MARK4: variants seen among roughly 807,000 people sequenced by gnomAD.
The protein encoded by MARK4 is microtubule affinity regulating kinase 4.
In MARK4, 19 loss-of-function variants were observed where a neutral mutation model predicts 81.5. The observed-to-expected ratio is 0.23, with a 90% CI of 0.16 to 0.34. The LOEUF is 0.34. Ranked by LOEUF, MARK4 falls within the 10% of genes least tolerant of loss-of-function variation. The probability of loss-of-function intolerance (pLI) is 1.00; values close to 1 mark genes in which losing one functional copy is unlikely to be tolerated. For missense variants in MARK4, 772 were observed against 1,058.8 expected (o/e 0.73, Z 3.76); for synonymous variants, 436 against 439.0 (o/e 0.99, Z 0.08).
At chr19:45,253,355 G>A (rs971693747) in intron 1 of MARK4, among the ~76,000 whole-genome samples, 1 of 152,168 alleles carries the variant, frequency 6.6e-6, no homozygotes, top group Admixed American at 6.5e-5. Flanking sequence ...TCTACAGTGA[G>A]GTGCCAGGGG....
At chr19:45,264,310 T>C (rs2123039608) in intron 4 of MARK4, among the ~76,000 whole-genome samples, 1 of 152,076 alleles carries the variant, frequency 6.6e-6, no homozygotes, top group East Asian at 1.9e-4. Flanking sequence ...GAGATCAGCA[T>C]GACCAACATG....
chr19:45,267,727 C>T (rs1251941709), intron 7 of MARK4, among the ~76,000 whole-genome samples: 2 of 152,192 alleles, frequency 1.3e-5, no homozygotes, highest in African/African-American at 2.4e-5. Context: ...ATGTTTCCAT[C>T]ACAGCTCACT....
At chr19:45,300,910 G>A (rs1289024335) in intron 16 of MARK4, among the ~76,000 whole-genome samples, 1 of 152,028 alleles carries the variant, frequency 6.6e-6, no homozygotes, top group Non-Finnish European at 1.5e-5. Context: ...GAGCTGAGTC[G>A]TGCTCACCCA....
chr19:45,294,942 C>T (rs931969440), intron 14 of MARK4, among the ~76,000 whole-genome samples: 10 of 152,230 alleles, frequency 6.6e-5, no homozygotes, highest in African/African-American at 2.4e-4. Context: ...CACTGCCCCC[C>T]ACCAGGGCTG....
At position 45,264,919 on chromosome 19, in the gene MARK4, A is replaced by G. The variant is rs760927301; in HGVS notation, c.492+9A>G. The G allele has an allele frequency of 6.2e-6, 10 of 1,613,918 alleles. No individual in the cohort carries two copies. The highest frequency in any genetic ancestry group is 1.1e-5 in the South Asian group (1 of 91,060). On this transcript the variant is annotated intron_variant, in intron 6 of 16. Transcript: ENST00000262891. Reference sequence around the variant, plus strand: ...GAGCCAAGTTCCGACAGGTTGGGGCAGGGCTGAGGGTGGGGCTGACTGGGT... The same window carrying G: ...GAGCCAAGTTCCGACAGGTTGGGGCGGGGCTGAGGGTGGGGCTGACTGGGT...
At chr19:45,265,877 G>A (rs561204377) in intron 6 of MARK4, among the ~76,000 whole-genome samples, 7 of 152,060 alleles carry the variant, frequency 4.6e-5, no homozygotes, top group South Asian at 4.1e-4. Context: ...CTGCCTTGAC[G>A]CTGCTGTCCT....
chr19:45,287,415 A>T, intron 12 of MARK4, 32 bp from the exon 13 acceptor site: 1 of 1,363,200 alleles, frequency 7.3e-7, no homozygotes, highest in Non-Finnish European at 9.6e-7. Context: ...TTCCGTGGTG[A>T]TGCCAGCTCT....
intron 8 of MARK4, among the ~76,000 whole-genome samples, chr19:45,276,712 G>A (rs1378346537): frequency 2.8e-5 from 4 of 142,402 alleles, no homozygotes; most frequent in South Asian, 2.3e-4. Context: ...TGCAACCTCC[G>A]CCTCCTGGGT....
At chr19:45,257,148 A>G (rs1970317300) in intron 1 of MARK4, among the ~76,000 whole-genome samples, 2 of 150,726 alleles carry the variant, frequency 1.3e-5, no homozygotes, top group Non-Finnish European at 3.0e-5. Flanking sequence ...TTTTCTAGAG[A>G]TGGGTGTCTC....
intron 10 of MARK4, 108 bp from the exon 11 acceptor site, chr19:45,280,266 C>T (rs1970653753): frequency 2.1e-6 from 2 of 949,350 alleles, no homozygotes; most frequent in African/African-American, 1.6e-5. Flanking sequence ...CGTGCCACTG[C>T]ACTCCAGCCT....
At chr19:45,279,946 G>A (rs751550073) in intron 10 of MARK4, among the ~76,000 whole-genome samples, 6 of 152,182 alleles carry the variant, frequency 3.9e-5, no homozygotes, top group Non-Finnish European at 5.9e-5. Context: ...AGCCATCCAC[G>A]TGATCTGAGC....
In MARK4 at chr19:45,264,674, A is replaced by G. The variant is rs1415628683; in HGVS notation, c.356-10A>G. ...TCCCTAATGCCCTACACTGTTCCCA[A>G]CCATTATAGTGAAGCTCTTTGAGGT... On this transcript the variant is annotated splice_polypyrimidine_tract_variant and intron_variant, in intron 4 of 16. Transcript: ENST00000262891. 3 of 1,613,990 alleles carry G rather than the reference A, an allele frequency of 1.9e-6. No homozygotes were observed. Among genetic ancestry groups the G allele is most frequent in the Admixed American group, 1.7e-5 (1 of 59,988 alleles).
intron 1 of MARK4, 44 bp from the exon 2 acceptor site, chr19:45,258,945 G>T: frequency 1.3e-6 from 2 of 1,589,396 alleles, no homozygotes; most frequent in East Asian, 4.5e-5. Context: ...CGGGTTCCAC[G>T]GAAGGTGGGA....
At chr19:45,289,385 CAAAAAAAAAAAAA>C (rs35129419) in intron 13 of MARK4, among the ~76,000 whole-genome samples, 1 of 51,528 alleles carries the variant, frequency 1.9e-5, no homozygotes, top group Non-Finnish European at 3.5e-5. Flanking sequence ...GACTCTGTTT[CAAAAAAAAAAAAA>C]AAAAAAAAAA....
intron 1 of MARK4, among the ~76,000 whole-genome samples, chr19:45,253,226 C>T (rs1970267239): frequency 6.6e-6 from 1 of 151,430 alleles, no homozygotes; most frequent in Non-Finnish European, 1.5e-5. Flanking sequence ...TATATCTGTC[C>T]CTTCCTCATC....
At position 45,259,172 on chromosome 19, in the gene MARK4, A is replaced by G. The variant is rs765205181; in HGVS notation, c.235A>G (p.Ile79Val). Residue 79 changes from isoleucine to valine, a missense_variant, in exon 2 of 17, where the codon ATC becomes GTC. By Grantham distance (29) the Ile-to-Val change is conservative. This residue lies in a region of MARK4 where 115 missense variants were observed against 139.8 expected (regional missense o/e 0.82). Coordinates refer to ENST00000262891, the MANE Select transcript of MARK4 (RefSeq NM_001199867.2). ...TGCCAAAGTCAAGCTGGCTCGGCAC[A>G]TCCTCACTGGTCGGGAGGTGAGTAT... is the stretch of plus-strand genomic sequence containing the variant. Reference protein sequence around the residue: ...NFAKVKLARHILTGREVAIKI... With the variant: ...NFAKVKLARHVLTGREVAIKI... The G allele has an allele frequency of 6.2e-7, 1 of 1,614,108 alleles. No individual in the cohort carries two copies. Among genetic ancestry groups the G allele is most frequent in the South Asian group, 1.1e-5 (1 of 91,086 alleles).
At chr19:45,296,820 C>CGGG (rs1970893531) in intron 14 of MARK4, among the ~76,000 whole-genome samples, 1 of 152,144 alleles carries the variant, frequency 6.6e-6, no homozygotes. Context: ...GAGGCCAAGG[C>CGGG]CAGTGGATCA....
Position 45,287,439 on chromosome 19 carries a change from T to TC in MARK4, c.1277-3dup, listed in dbSNP as rs1320419379. 7.0e-7 allele frequency: 1 copy of TC among 1,420,348 alleles called. No homozygotes were observed. Among genetic ancestry groups the TC allele is most frequent in the Admixed American group, 3.0e-5 (1 of 33,878 alleles). The allele number at this position is 1,420,348 out of a possible 1,614,324, so 88.0% of individuals were successfully genotyped here. On this transcript the variant is annotated splice_polypyrimidine_tract_variant and splice_region_variant and intron_variant, in intron 12 of 16. Transcript: ENST00000262891. ...GATGCCAGCTCTAAACGGTACCCCC[T>TC]CCCCCAGGTGGCCCATCCCCTGCAC...
intron 1 of MARK4, among the ~76,000 whole-genome samples, chr19:45,254,854 A>G (rs1362138665): frequency 3.9e-5 from 6 of 152,338 alleles, no homozygotes; most frequent in Non-Finnish European, 8.8e-5. Context: ...AATTAAGTGT[A>G]GGCGAGTTAC....
Sources: gnomAD v4.1 joint callset for allele counts (sites outside exome capture counted in the v4.1 genomes callset) on GRCh38, gnomAD v4.1.1 for gene constraint, gnomAD v4.1.1 regional missense constraint, MANE v1.5 for transcripts, NCBI Gene and HGNC (gene_info 2026-07-23, HGNC 2026-07-21) for gene names.